Variants in C1orf21 observed in about 807,000 individuals in gnomAD.
C1orf21 encodes uncharacterized protein C1orf21.
C1orf21 carries 3 observed loss-of-function variants against 18.7 expected under a neutral mutation model. That is an observed-to-expected ratio of 0.16 (90% CI 0.07 to 0.42). The LOEUF is 0.42. Ranked by LOEUF, C1orf21 falls within the 10% of genes least tolerant of loss-of-function variation. The pLI, the probability that C1orf21 is intolerant of heterozygous loss-of-function variation, is 0.99. For missense variants in C1orf21, 104 were observed against 143.6 expected (o/e 0.72, Z 1.41); for synonymous variants, 41 against 46.4 (o/e 0.88, Z 0.47).
At chr1:184,542,362 G>T (rs1042705957) in intron 3 of C1orf21, among the ~76,000 whole-genome samples, 3 of 152,080 alleles carry the variant, frequency 2.0e-5, no homozygotes, top group Non-Finnish European at 4.4e-5. Flanking sequence ...AACTTGCCTG[G>T]GGTCACACAA....
chr1:184,590,690 T>G, intron 3 of C1orf21, 49 bp from the exon 4 acceptor site: 1 of 1,526,282 alleles, frequency 6.6e-7, no homozygotes, highest in Non-Finnish European at 9.1e-7. Flanking sequence ...ACTTGTTTAA[T>G]TGTGGATTCT....
At chr1:184,436,210 T>C (rs1441586977) in intron 1 of C1orf21, among the ~76,000 whole-genome samples, 2 of 152,012 alleles carry the variant, frequency 1.3e-5, no homozygotes, top group Non-Finnish European at 2.9e-5. Flanking sequence ...TTACAACTTG[T>C]TGGAGGAAGG....
intron 4 of C1orf21, among the ~76,000 whole-genome samples, chr1:184,596,347 A>C (rs1659512545): frequency 6.6e-6 from 1 of 152,174 alleles, no homozygotes; most frequent in Admixed American, 6.5e-5. Context: ...AGGGGTCATG[A>C]ATCACATGAA....
At chr1:184,432,689 A>G (rs1656785118) in intron 1 of C1orf21, among the ~76,000 whole-genome samples, 1 of 152,052 alleles carries the variant, frequency 6.6e-6, no homozygotes, top group Non-Finnish European at 1.5e-5. Flanking sequence ...AGAAAAAAAA[A>G]TCTGGTGCCT....
At chr1:184,606,121 T>C (rs1163586958) in intron 5 of C1orf21, among the ~76,000 whole-genome samples, 4 of 152,232 alleles carry the variant, frequency 2.6e-5, no homozygotes, top group Non-Finnish European at 5.9e-5. Flanking sequence ...TACAGAGCCA[T>C]TAAATAACCT....
chr1:184,451,858 C>T (rs955091038), intron 1 of C1orf21, among the ~76,000 whole-genome samples: 2 of 152,132 alleles, frequency 1.3e-5, no homozygotes, highest in South Asian at 4.1e-4. Flanking sequence ...CTCAAGTTTT[C>T]CGTGTTTATA....
intron 5 of C1orf21, among the ~76,000 whole-genome samples, chr1:184,614,818 C>T (rs1234154324): frequency 6.6e-6 from 1 of 152,130 alleles, no homozygotes; most frequent in Non-Finnish European, 1.5e-5. Flanking sequence ...CAGTAGTGTT[C>T]GTGCTCCTAT....
At chr1:184,596,682 C>T (rs1287917134) in intron 4 of C1orf21, among the ~76,000 whole-genome samples, 2 of 151,930 alleles carry the variant, frequency 1.3e-5, no homozygotes, top group African/African-American at 4.8e-5. Flanking sequence ...CTAGCCTGGC[C>T]AACATGGTGA....
chr1:184,493,220 A>T (rs2101957021), intron 2 of C1orf21, among the ~76,000 whole-genome samples: 1 of 152,344 alleles, frequency 6.6e-6, no homozygotes, highest in South Asian at 2.1e-4. Context: ...GCTGGGGAAG[A>T]TGCCTGCTGG....
At chr1:184,573,361 A>G (rs930309448) in intron 3 of C1orf21, among the ~76,000 whole-genome samples, 3 of 152,214 alleles carry the variant, frequency 2.0e-5, no homozygotes, top group Non-Finnish European at 4.4e-5. Flanking sequence ...GTAATTCTCA[A>G]TCACTTAAAA....
chr1:184,558,789 C>T (rs1209468064), intron 3 of C1orf21, among the ~76,000 whole-genome samples: 2 of 152,204 alleles, frequency 1.3e-5, no homozygotes, highest in Non-Finnish European at 2.9e-5. Flanking sequence ...AATAGTGTTT[C>T]CTCATAGAAT....
chr1:184,548,476 G>A (rs1658764116), intron 3 of C1orf21, among the ~76,000 whole-genome samples: 1 of 145,736 alleles, frequency 6.9e-6, no homozygotes, highest in Non-Finnish European at 1.5e-5. Flanking sequence ...GTGCAGCGGC[G>A]CGATCTCCAC....
chr1:184,499,499 G>A (rs1016349959), intron 2 of C1orf21, among the ~76,000 whole-genome samples: 2 of 152,122 alleles, frequency 1.3e-5, no homozygotes, highest in African/African-American at 4.8e-5. Context: ...GACAAGAGAG[G>A]ATATGGTAGT....
intron 5 of C1orf21, among the ~76,000 whole-genome samples, chr1:184,612,089 T>C (rs1021789169): frequency 2.0e-5 from 3 of 152,146 alleles, no homozygotes; most frequent in Non-Finnish European, 2.9e-5. Flanking sequence ...GACTGTGTTA[T>C]TAGAAATATA....
intron 1 of C1orf21, among the ~76,000 whole-genome samples, chr1:184,405,292 C>T (rs1656227224): frequency 6.6e-6 from 1 of 152,000 alleles, no homozygotes; most frequent in Non-Finnish European, 1.5e-5. Flanking sequence ...ATCTCCCTGG[C>T]TCTATCAATC....
chr1:184,470,075 T>C (rs1657471949), intron 1 of C1orf21, among the ~76,000 whole-genome samples: 1 of 152,200 alleles, frequency 6.6e-6, no homozygotes, highest in Non-Finnish European at 1.5e-5. Context: ...TTCAGTTTTG[T>C]GTGTGTGTTT....
At chr1:184,437,558 T>C (rs1656877881) in intron 1 of C1orf21, among the ~76,000 whole-genome samples, 1 of 152,054 alleles carries the variant, frequency 6.6e-6, no homozygotes, top group Non-Finnish European at 1.5e-5. Flanking sequence ...TGTCAGGTTG[T>C]TTGTGTGCTT....
rs576254091 is a variant in C1orf21 at position 184,390,927 on chromosome 1, G to T, written c.-125+3559G>T. Among the ~76,000 whole-genome samples, 6 of 152,300 alleles carry T rather than the reference G, an allele frequency of 3.9e-5. No homozygotes were observed. The South Asian group carries it at 1.2e-3, about 32-fold the overall frequency. ...CTGCTTAGAAAACTGAAAAAACAGGGATAGGGCTTGTGTACAAGAAAGATT... is the reference window on the plus strand; with the variant it reads ...CTGCTTAGAAAACTGAAAAAACAGGTATAGGGCTTGTGTACAAGAAAGATT... On this transcript the variant is annotated intron_variant, in intron 1 of 5. Transcript: ENST00000235307.
intron 2 of C1orf21, among the ~76,000 whole-genome samples, chr1:184,493,894 T>C (rs1657852434): frequency 6.6e-6 from 1 of 152,232 alleles, no homozygotes; most frequent in Non-Finnish European, 1.5e-5. Flanking sequence ...TGCTTTTAAC[T>C]CTGATGGAAC....
Sources: gnomAD v4.1 joint callset for allele counts (sites outside exome capture counted in the v4.1 genomes callset) on GRCh38, gnomAD v4.1.1 for gene constraint, MANE v1.5 for transcripts, NCBI Gene and HGNC (gene_info 2026-07-23, HGNC 2026-07-21) for gene names.